Variants in PRELID2 observed in about 807,000 individuals in gnomAD.
PRELID2 encodes the protein PRELI domain containing 2, also known as PRELI domain-containing protein 2.
PRELID2 carries 25 observed loss-of-function variants against 28.4 expected under a neutral mutation model. That is an observed-to-expected ratio of 0.88 (90% CI 0.64 to 1.23). The LOEUF is 1.23. PRELID2 is among the 50% of genes most tolerant of loss of function. The probability of loss-of-function intolerance (pLI) is 0.00; values close to 1 mark genes in which losing one functional copy is unlikely to be tolerated. For missense variants in PRELID2, 201 were observed against 214.4 expected (o/e 0.94, Z 0.39); for synonymous variants, 76 against 71.6 (o/e 1.06, Z -0.31).
chr5:145,505,867 C>A (rs1043105343), intron 1 of PRELID2, among the ~76,000 whole-genome samples: 14 of 152,156 alleles, frequency 9.2e-5, no homozygotes, highest in African/African-American at 3.1e-4. Flanking sequence ...AACTTGAGAA[C>A]ACTATGTATG....
the PRELID2 span, among the ~76,000 whole-genome samples, chr5:145,427,783 C>G: frequency 6.6e-6 from 1 of 151,882 alleles, no homozygotes; most frequent in Non-Finnish European, 1.5e-5. Flanking sequence ...AGAATTTGGG[C>G]AGAAAGTTCA....
chr5:145,566,062 T>C (rs191538035), intron 1 of PRELID2, among the ~76,000 whole-genome samples: 1 of 152,172 alleles, frequency 6.6e-6, no homozygotes, highest in East Asian at 1.9e-4. Flanking sequence ...CTGTTACAAG[T>C]AGAAAAGTGA....
intron 1 of PRELID2, among the ~76,000 whole-genome samples, chr5:145,575,506 AG>A (rs1753053073): frequency 6.6e-6 from 1 of 152,198 alleles, no homozygotes; most frequent in African/African-American, 2.4e-5. Flanking sequence ...GATAGATAGC[AG>A]AAATTAGAAT....
chr5:145,517,026 A>G (rs1752523239), intron 1 of PRELID2, among the ~76,000 whole-genome samples: 1 of 152,226 alleles, frequency 6.6e-6, no homozygotes, highest in African/African-American at 2.4e-5. Context: ...ACCTAAAACC[A>G]TAAAAACCCA....
chr5:145,740,668 AAT>A (rs1425743770), intron 1 of PRELID2, among the ~76,000 whole-genome samples: 2 of 84,666 alleles, frequency 2.4e-5, no homozygotes, highest in Non-Finnish European at 4.4e-5. Flanking sequence ...AAATAAAATA[AAT>A]ATATATTTTA....
chr5:145,705,105 T>C (rs186183409), intron 1 of PRELID2, among the ~76,000 whole-genome samples: 1 of 152,070 alleles, frequency 6.6e-6, no homozygotes, highest in Admixed American at 6.6e-5. Context: ...ACTCGGAGGG[T>C]CTGAGAATTA....
the PRELID2 span, among the ~76,000 whole-genome samples, chr5:145,254,945 A>G: frequency 6.6e-6 from 1 of 151,726 alleles, no homozygotes; most frequent in Admixed American, 6.6e-5. Flanking sequence ...CTCCACCCAC[A>G]ATTAATTTGA....
At chr5:145,737,655 T>G (rs530779030) in intron 1 of PRELID2, among the ~76,000 whole-genome samples, 43 of 152,296 alleles carry the variant, frequency 2.8e-4, no homozygotes, top group South Asian at 2.3e-3. Flanking sequence ...GAAGCAGTCT[T>G]GCAAGGCAGA....
At chr5:145,293,552 A>G in the PRELID2 span, among the ~76,000 whole-genome samples, 1 of 152,170 alleles carries the variant, frequency 6.6e-6, no homozygotes, top group Non-Finnish European at 1.5e-5. Context: ...CCATTTAACT[A>G]TTATTTAAAC....
At chr5:145,299,586 A>T in the PRELID2 span, among the ~76,000 whole-genome samples, 1 of 151,070 alleles carries the variant, frequency 6.6e-6, no homozygotes, top group Non-Finnish European at 1.5e-5. Context: ...CTGAGTCCTG[A>T]TTGGACACAG....
At chr5:145,553,256 T>C (rs1295248075) in intron 1 of PRELID2, among the ~76,000 whole-genome samples, 1 of 149,342 alleles carries the variant, frequency 6.7e-6, no homozygotes, top group East Asian at 2.0e-4. Context: ...TGGTGCCTTG[T>C]AAGCAGAACC....
Position 145,700,986 on chromosome 5 carries a change from G to C in PRELID2, n.70+63945C>G, listed in dbSNP as rs80324300. On this transcript the variant is annotated intron_variant and non_coding_transcript_variant, in intron 1 of 2. Transcript: ENST00000510259. The stretch of plus-strand genomic sequence containing the variant: ...GGAAATTACAGCCACTGGGAGCCAG[G>C]CTCTGAGAGGACCAGAGAAAGATGA... Among the ~76,000 whole-genome samples, 107 of 152,290 alleles carry C rather than the reference G, an allele frequency of 7.0e-4. No individual in the cohort carries two copies. In the East Asian group the frequency reaches 0.016, roughly 23 times the overall value.
chr5:145,614,086 C>T (rs1237267970), intron 1 of PRELID2, among the ~76,000 whole-genome samples: 2 of 152,164 alleles, frequency 1.3e-5, no homozygotes, highest in Non-Finnish European at 2.9e-5. Context: ...GTCCTTTCCC[C>T]ACTTTATGTT....
chr5:145,678,988 C>T, intron 1 of PRELID2, among the ~76,000 whole-genome samples: 1 of 152,202 alleles, frequency 6.6e-6, no homozygotes, highest in East Asian at 1.9e-4. Context: ...TCTCCACTTT[C>T]CTTGGACAGA....
At chr5:145,641,717 C>A (rs928842681) in intron 1 of PRELID2, among the ~76,000 whole-genome samples, 3 of 152,182 alleles carry the variant, frequency 2.0e-5, no homozygotes, top group Non-Finnish European at 4.4e-5. Context: ...TCCCTGTGTT[C>A]CTGTGTTCTC....
chr5:145,382,841 T>G, the PRELID2 span, among the ~76,000 whole-genome samples: 1 of 152,000 alleles, frequency 6.6e-6, no homozygotes, highest in South Asian at 2.1e-4. Context: ...AACTTGTACA[T>G]GTACCTCCAG....
intron 1 of PRELID2, among the ~76,000 whole-genome samples, chr5:145,577,547 A>C (rs890288506): frequency 6.6e-6 from 1 of 152,058 alleles, no homozygotes; most frequent in Non-Finnish European, 1.5e-5. Context: ...ACTTGAAAAT[A>C]CAGTCAGAAG....
the PRELID2 span, among the ~76,000 whole-genome samples, chr5:145,320,400 A>G: frequency 1.3e-5 from 2 of 151,606 alleles, no homozygotes; most frequent in African/African-American, 4.8e-5. Context: ...CCTCCCAAGT[A>G]GCTGGGACTA....
At chr5:145,511,918 G>A (rs1752464587) in intron 1 of PRELID2, among the ~76,000 whole-genome samples, 1 of 152,132 alleles carries the variant, frequency 6.6e-6, no homozygotes, top group South Asian at 2.1e-4. Flanking sequence ...ACTGGGGCTA[G>A]CATACTTACT....
Sources: allele counts gnomAD v4.1 joint callset (sites outside exome capture counted in the v4.1 genomes callset), GRCh38; gene constraint gnomAD v4.1.1; transcripts MANE v1.5; gene names NCBI Gene and HGNC (gene_info 2026-07-23, HGNC 2026-07-21).